The following SERPINB8 variants were observed in gnomAD, a reference collection of about 807,000 sequenced individuals.
SERPINB8 encodes serpin B8.
Under a neutral mutation model 35.3 loss-of-function variants are expected in SERPINB8, and 25 were observed. The ratio of observed to expected loss-of-function variants is 0.71; its 90% CI spans 0.52 to 0.99. SERPINB8 has a LOEUF of 0.99. SERPINB8 is among the 50% of genes least tolerant of loss of function. The pLI is 0.00. For synonymous variants in SERPINB8, 186 were observed against 160.8 expected (o/e 1.16, Z -1.19); for missense variants, 484 against 446.5 (o/e 1.08, Z -0.76).
chr18:63,983,503 T>G, intron 4 of SERPINB8, 76 bp from the exon 5 acceptor site: 1 of 1,426,516 alleles, frequency 7.0e-7, no homozygotes, highest in South Asian at 1.2e-5. Flanking sequence ...AGCCTCTGCC[T>G]TATGTGTCAA....
Position 63,987,534 on chromosome 18 carries a change from T to A in SERPINB8, c.*256T>A, listed in dbSNP as rs2050780799. The A allele has an allele frequency of 1.7e-5, 8 of 457,452 alleles. No individual in the cohort carries two copies. In the South Asian group the frequency reaches 2.6e-4, roughly 15 times the overall value. 28.3% of individuals were successfully genotyped at this position (457,452 alleles called of 1,614,324 possible). A position where few individuals can be genotyped will look rare whatever the true frequency, so the allele number is the denominator to read the frequency against. ...GCCTGCCATTGCCTCTGCCTTCACC[T>A]AAGTCTGTGCCCATTGTTTCAGGGG... On this transcript the variant is annotated 3_prime_UTR_variant, in exon 7 of 7. Coordinates refer to ENST00000397985, the MANE Select transcript of SERPINB8 (RefSeq NM_002640.4).
chr18:64,013,575 T>C (rs948726336), intron 7 of SERPINB8, among the ~76,000 whole-genome samples: 18 of 152,210 alleles, frequency 1.2e-4, no homozygotes, highest in Non-Finnish European at 2.1e-4. Flanking sequence ...TGTGGTAGTG[T>C]AGGTTATAAT....
downstream of SERPINB8, among the ~76,000 whole-genome samples, chr18:63,991,762 G>A (rs1353434174): frequency 3.9e-5 from 6 of 152,000 alleles, no homozygotes; most frequent in Non-Finnish European, 4.4e-5. Flanking sequence ...GGGAAAGCAC[G>A]AAGGCTCCCA....
rs1054029366 is a variant in SERPINB8, at chr18:63,985,394, C to T, written c.720+149C>T. The stretch of plus-strand genomic sequence containing the variant: ...ACATCATTGTGTGTCTTTTGATGAA[C>T]ATGTTCATGCATTTCTGTTGAGTGT... On this transcript the variant is annotated intron_variant, in intron 6 of 6. Transcript: ENST00000397985. The T allele has an allele frequency of 3.7e-5, 30 of 805,668 alleles. No homozygotes were observed. The Admixed American group carries it at 3.9e-4, about 11-fold the overall frequency. 49.9% of individuals were successfully genotyped at this position (805,668 alleles called of 1,614,324 possible). A position where few individuals can be genotyped will look rare whatever the true frequency, so the allele number is the denominator to read the frequency against.
intron 4 of SERPINB8, among the ~76,000 whole-genome samples, chr18:63,983,045 A>G (rs1274171908): frequency 2.6e-5 from 4 of 152,180 alleles, no homozygotes; most frequent in Admixed American, 6.5e-5. Flanking sequence ...ATCCTCAACC[A>G]GGGGTAGCTT....
chr18:64,007,241 T>C (rs1051416909), downstream of SERPINB8, among the ~76,000 whole-genome samples: 1 of 151,904 alleles, frequency 6.6e-6, no homozygotes, highest in African/African-American at 2.4e-5. Flanking sequence ...AGAAAAGTCT[T>C]CAAGAAGATG....
chr18:63,978,489 G>A lies in SERPINB8; in HGVS notation c.168+13G>A, dbSNP rs759218913. 5.0e-6 allele frequency: 8 copies of A among 1,613,278 alleles called. No homozygotes were observed. The highest frequency in any genetic ancestry group is 6.8e-6 in the Non-Finnish European group (8 of 1,179,512). The stretch of plus-strand genomic sequence containing the variant: ...CCAGATGTCCCAGGTATGTGTGCTT[G>A]TCACAAAGGAAGGAGAACAGTGTGT... On this transcript the variant is annotated intron_variant, in intron 2 of 6. Transcript: ENST00000397985.
At chr18:63,985,063 T>G (rs1291931409) in intron 5 of SERPINB8, 30 bp from the exon 6 acceptor site, 2 of 1,611,216 alleles carry the variant, frequency 1.2e-6, no homozygotes, top group Non-Finnish European at 8.5e-7. Context: ...TACCCACTTT[T>G]CAGTAATCGA....
At chr18:64,019,158 C>T (rs2050964211) in exon 8 of SERPINB8, 1 of 152,244 alleles carries the variant, frequency 6.6e-6, no homozygotes, top group Non-Finnish European at 1.5e-5. Context: ...TGCTGCACCC[C>T]ATACAGCCTT....
Position 63,985,233 on chromosome 18 carries a change from G to T in SERPINB8, c.708G>T (p.Thr236=). The part of the protein sequence containing the change: ...SMVILLPDDN[T]DLAVVEKALT... Reference sequence around the variant, plus strand: ...TCATTCTGCTTCCCGATGACAACACGGACCTCGCCGTGGTAAGCTCCAGGC... The same window carrying T: ...TCATTCTGCTTCCCGATGACAACACTGACCTCGCCGTGGTAAGCTCCAGGC... The change falls in exon 6 of 7, where the codon ACG becomes ACT. Residue 236 remains threonine, a synonymous_variant. Coordinates refer to ENST00000397985, the MANE Select transcript of SERPINB8 (RefSeq NM_002640.4). 1 of 1,614,112 alleles carries T rather than the reference G, an allele frequency of 6.2e-7. No individual in the cohort carries two copies. The highest frequency in any genetic ancestry group is 8.5e-7 in the Non-Finnish European group (1 of 1,180,024).
intron 7 of SERPINB8, among the ~76,000 whole-genome samples, chr18:64,014,216 G>A (rs1428407134): frequency 6.6e-6 from 1 of 152,148 alleles, no homozygotes; most frequent in Non-Finnish European, 1.5e-5. Flanking sequence ...TTTCAAGGAG[G>A]AATCATAGGT....
At chr18:64,012,981 G>T (rs1302901028) in intron 7 of SERPINB8, among the ~76,000 whole-genome samples, 1 of 152,104 alleles carries the variant, frequency 6.6e-6, no homozygotes, top group African/African-American at 2.4e-5. Flanking sequence ...TCACTCCCTT[G>T]AATTTCAGAA....
intron 1 of SERPINB8, among the ~76,000 whole-genome samples, chr18:63,995,080 C>T (rs1432740139): frequency 6.6e-6 from 1 of 152,166 alleles, no homozygotes; most frequent in African/African-American, 2.4e-5. Flanking sequence ...AAGAGTTCCT[C>T]ACCAAGATAC....
At chr18:64,007,396 AAAAG>A (rs980696046), downstream of SERPINB8, among the ~76,000 whole-genome samples, 5 of 152,344 alleles carry the variant, frequency 3.3e-5, no homozygotes, top group Admixed American at 1.3e-4. Context: ...TCAGCAAACG[AAAAG>A]AAAGAGATGA....
intron 1 of SERPINB8, among the ~76,000 whole-genome samples, chr18:63,970,789 C>A (rs549319495): frequency 1.3e-5 from 2 of 152,176 alleles, no homozygotes; most frequent in African/African-American, 4.8e-5. Flanking sequence ...TCCTGTCCCC[C>A]CCCTCCGTTC....
intron 2 of SERPINB8, among the ~76,000 whole-genome samples, chr18:63,979,231 C>T (rs1214373557): frequency 6.6e-6 from 1 of 152,152 alleles, no homozygotes; most frequent in Non-Finnish European, 1.5e-5. Flanking sequence ...ATAGGAATAA[C>T]CTTAATTCTC....
exon 2 of SERPINB8, chr18:64,004,825 C>T: frequency 2.5e-6 from 1 of 398,542 alleles, no homozygotes; most frequent in Non-Finnish European, 4.4e-6. Flanking sequence ...ACAGGATACA[C>T]TGAGAAGCAC....
At chr18:64,019,339 A>T (rs1280325380) in exon 8 of SERPINB8, 1 of 152,232 alleles carries the variant, frequency 6.6e-6, no homozygotes, top group Non-Finnish European at 1.5e-5. Flanking sequence ...GATACATCTC[A>T]TAATCTGTCT....
At position 63,983,566 on chromosome 18, in the gene SERPINB8, A is replaced by G; in HGVS notation, c.425-13A>G. 6.2e-7 allele frequency: 1 copy of G among 1,612,388 alleles called. No individual in the cohort carries two copies. The highest frequency in any genetic ancestry group is 1.7e-4 in the Middle Eastern group (1 of 6,056). On this transcript the variant is annotated splice_polypyrimidine_tract_variant and intron_variant, in intron 4 of 6. Coordinates refer to ENST00000397985, the MANE Select transcript of SERPINB8 (RefSeq NM_002640.4). The stretch of plus-strand genomic sequence containing the variant: ...TCCCCACAAATTGCAATAAACTCTC[A>G]TATTCTTTATAGGTAAGATTTCAGA...
Sources: allele counts gnomAD v4.1 joint callset (sites outside exome capture counted in the v4.1 genomes callset), GRCh38; gene constraint gnomAD v4.1.1; transcripts MANE v1.5; gene names NCBI Gene and HGNC (gene_info 2026-07-23, HGNC 2026-07-21).